Variants in GOLIM4 observed in about 807,000 individuals in gnomAD.
The protein encoded by GOLIM4 is 130 kDa golgi-localized phosphoprotein.
GOLIM4 carries 71 observed loss-of-function variants against 107.4 expected under a neutral mutation model. The ratio of observed to expected loss-of-function variants is 0.66; its 90% CI spans 0.55 to 0.81. GOLIM4 has a LOEUF of 0.81. Ranked by LOEUF, GOLIM4 falls within the 30% of genes least tolerant of loss-of-function variation. The pLI is 0.00. For synonymous variants in GOLIM4, 327 were observed against 294.8 expected (o/e 1.11, Z -1.12); for missense variants, 830 against 826.1 (o/e 1.00, Z -0.06).
At chr3:168,023,182 G>A (rs1223635885) in intron 14 of GOLIM4, among the ~76,000 whole-genome samples, 1 of 152,148 alleles carries the variant, frequency 6.6e-6, no homozygotes, top group East Asian at 1.9e-4. Flanking sequence ...AAGATTCCTA[G>A]TATTGGACAT....
At chr3:168,070,666 C>G (rs1291110010) in intron 1 of GOLIM4, among the ~76,000 whole-genome samples, 1 of 152,032 alleles carries the variant, frequency 6.6e-6, no homozygotes, top group Non-Finnish European at 1.5e-5. Flanking sequence ...TGGTTTCAAC[C>G]CATGGAAACT....
rs1162248490 is a variant in GOLIM4 at position 168,010,776 on chromosome 3, A to G, written c.1908T>C (p.Asn636=). ...CATTTTCACCATAGGTCTCTTCAGC[A>G]TTATGCTCCAGTTCCCTTTTTTTCT... ...TEEKKRELEH[N]AEETYGENDE... is the part of the protein sequence containing the mutation. Residue 636 remains asparagine (N), a synonymous_variant, in exon 15 of 16, where the codon AAT becomes AAC. Coordinates refer to ENST00000470487, the MANE Select transcript of GOLIM4 (RefSeq NM_014498.5). 1 of 1,612,388 alleles carries G rather than the reference A, an allele frequency of 6.2e-7. No homozygotes were observed. Among genetic ancestry groups the G allele is most frequent in the Non-Finnish European group, 8.5e-7 (1 of 1,178,802 alleles).
chr3:168,060,330 G>A (rs1720192314), intron 1 of GOLIM4, among the ~76,000 whole-genome samples: 1 of 152,214 alleles, frequency 6.6e-6, no homozygotes, highest in Admixed American at 6.5e-5. Context: ...TAGTTCTGCA[G>A]TAATTGAGGC....
rs148959653 is a variant in GOLIM4, at chr3:168,063,700, C to T, written c.188-15335G>A. On this transcript the variant is annotated intron_variant, in intron 1 of 15. Transcript: ENST00000470487. ...AATATAAGAGTTATCCTTTCTTCAT[C>T]CTTTAAGAAAGGGCAGGGGAGTGGG... 1.3e-3 allele frequency among the ~76,000 whole-genome samples: 181 copies of T among 137,450 alleles called. 1 individual carries two copies. The East Asian group carries it at 0.014, about 10-fold the overall frequency. 90.2% of individuals were successfully genotyped at this position (137,450 alleles called of 152,430 possible). A position where few individuals can be genotyped will look rare whatever the true frequency, so the allele number is the denominator to read the frequency against.
intron 11 of GOLIM4, 128 bp downstream of exon 11, chr3:168,029,095 T>C: frequency 1.8e-6 from 1 of 562,296 alleles, no homozygotes; most frequent in Non-Finnish European, 3.1e-6. Context: ...AAAGACATGA[T>C]TCACAAACCT....
At chr3:168,067,524 AAAC>A (rs1274218387) in intron 1 of GOLIM4, among the ~76,000 whole-genome samples, 1 of 148,740 alleles carries the variant, frequency 6.7e-6, no homozygotes, top group African/African-American at 2.6e-5. Context: ...AAAAAAAAAA[AAAC>A]ACACACACAC....
chr3:168,077,937 C>T (rs1386619591), intron 1 of GOLIM4, among the ~76,000 whole-genome samples: 1 of 152,016 alleles, frequency 6.6e-6, no homozygotes, highest in Non-Finnish European at 1.5e-5. Flanking sequence ...CTGAATGTAA[C>T]ACACCTCCCT....
rs755222714 is a variant in GOLIM4 at position 168,030,029 on chromosome 3, G to A, written c.1184C>T (p.Pro395Leu). Residue 395 changes from proline (P) to leucine (L), a missense_variant, in exon 10 of 16, where the codon CCT becomes CTT. Transcript: ENST00000470487. ...GAATTTGATCATTGGCTTGGCTGAA[G>A]GGTACACCTAGGGTGAAAAAGAGTT... ...LEGHARAEVYPSAKPMIKFQS... is the reference protein window; with the variant it reads ...LEGHARAEVYLSAKPMIKFQS... The A allele has an allele frequency of 9.0e-5, 146 of 1,614,110 alleles. 2 individuals are homozygous for A. In the South Asian group the frequency reaches 1.6e-3, roughly 17 times the overall value.
intron 1 of GOLIM4, among the ~76,000 whole-genome samples, chr3:168,062,475 GA>G (rs1720327559): frequency 6.6e-6 from 1 of 151,346 alleles, no homozygotes; most frequent in South Asian, 2.1e-4. Context: ...ACATTCCTAA[GA>G]ATAAATTCCT....
At position 168,095,351 on chromosome 3, in the gene GOLIM4, C is replaced by G. The variant is rs1344183992; in HGVS notation, c.-66G>C. ...TCCTCCCCTTGGTCCGAGCGAGCGTCTCAGCAGCGGCCGCCGCAGTAGGTG... is the reference window on the plus strand; with the variant it reads ...TCCTCCCCTTGGTCCGAGCGAGCGTGTCAGCAGCGGCCGCCGCAGTAGGTG... On this transcript the variant is annotated 5_prime_UTR_variant, in exon 1 of 16. Transcript: ENST00000470487. 1.4e-6 allele frequency: 2 copies of G among 1,443,280 alleles called. No homozygotes were observed. Among genetic ancestry groups the G allele is most frequent in the South Asian group, 2.4e-5 (2 of 82,714 alleles). 89.4% of individuals were successfully genotyped at this position (1,443,280 alleles called of 1,614,324 possible). A position where few individuals can be genotyped will look rare whatever the true frequency, so the allele number is the denominator to read the frequency against.
intron 14 of GOLIM4, among the ~76,000 whole-genome samples, chr3:168,021,877 T>C (rs950722719): frequency 6.6e-6 from 1 of 152,180 alleles, no homozygotes; most frequent in African/African-American, 2.4e-5. Flanking sequence ...TTAATCTATA[T>C]ATTTTTGAAC....
At position 168,043,443 on chromosome 3, in the gene GOLIM4, A is replaced by C; in HGVS notation, c.453T>G (p.Asn151Lys). 1 of 1,613,222 alleles carries C rather than the reference A, an allele frequency of 6.2e-7. No individual in the cohort carries two copies. The highest frequency in any genetic ancestry group is 1.1e-5 in the South Asian group (1 of 90,948). ...GCTGCAAGTATTTTTGCTTATGGTC[A>C]TTAAATGTTCTACTGAAGTCTTCCC... Reference protein sequence around the residue: ...KQGEDFSRTFNDHKQKYLQLQ... With the variant: ...KQGEDFSRTFKDHKQKYLQLQ... The change falls in exon 5 of 16, where the codon AAT (asparagine) becomes AAG (lysine). Residue 151 changes from asparagine (N) to lysine (K), a missense_variant. Transcript: ENST00000470487.
Position 168,048,345 on chromosome 3 carries a change from T to G in GOLIM4, c.208A>C (p.Arg70=). 6.5e-7 allele frequency: 1 copy of G among 1,535,828 alleles called. No individual in the cohort carries two copies. The highest frequency in any genetic ancestry group is 9.0e-7 in the Non-Finnish European group (1 of 1,116,704). Residue 70 remains arginine (R), a synonymous_variant, in exon 2 of 16, where the codon AGA becomes CGA. Transcript: ENST00000470487. ...QLQVVYEHRS[R]LEKSLQKERL... is the part of the protein sequence containing the mutation. ...TCTTTTTGCAAGGATTTCTCTAATCTTGATCTGTGTTCATATACAACTGGA... is the reference window on the plus strand; with the variant it reads ...TCTTTTTGCAAGGATTTCTCTAATCGTGATCTGTGTTCATATACAACTGGA...
intron 14 of GOLIM4, among the ~76,000 whole-genome samples, chr3:168,023,300 T>C (rs1316456864): frequency 6.6e-6 from 1 of 152,216 alleles, no homozygotes; most frequent in East Asian, 1.9e-4. Context: ...TTTTCTCTGC[T>C]GCTCTCTTTC....
chr3:168,071,992 GGA>G (rs1720857720), intron 1 of GOLIM4, among the ~76,000 whole-genome samples: 1 of 152,104 alleles, frequency 6.6e-6, no homozygotes, highest in South Asian at 2.1e-4. Context: ...AATCTCGGAA[GGA>G]TACCTAGAGA....
intron 14 of GOLIM4, among the ~76,000 whole-genome samples, chr3:168,024,227 T>C (rs9854796): frequency 0.029 from 4,487 of 152,238 alleles, 209 homozygotes; most frequent in African/African-American, 0.1. Context: ...AAAATATTCT[T>C]ACAAAAGATT....
chr3:168,031,798 T>C (rs1263763145), intron 9 of GOLIM4, among the ~76,000 whole-genome samples: 11 of 152,222 alleles, frequency 7.2e-5, no homozygotes, highest in Admixed American at 7.2e-4. Flanking sequence ...TCCACACCCA[T>C]GTAAAGGCCA....
Position 168,032,842 on chromosome 3 carries a change from T to C in GOLIM4, c.854A>G (p.Asn285Ser). 2 of 1,610,804 alleles carry C rather than the reference T, an allele frequency of 1.2e-6. No homozygotes were observed. The highest frequency in any genetic ancestry group is 8.5e-7 in the Non-Finnish European group (1 of 1,177,484). Residue 285 changes from asparagine to serine, a missense_variant, in exon 9 of 16, where the codon AAT becomes AGT. Physicochemically the swap from Asn to Ser is conservative, Grantham distance 46. Transcript: ENST00000470487. ...PTREVQEVSR[N>S]NDVWQNHEAV... ...TTCATGGTTCTGCCACACATCATTA[T>C]TTCGAGACACCTAGGCCAAGCACAT...
intron 1 of GOLIM4, among the ~76,000 whole-genome samples, chr3:168,076,682 C>T (rs56128208): frequency 0.18 from 27,321 of 152,092 alleles, 2,678 homozygotes; most frequent in Middle Eastern, 0.23. Context: ...CAGAGTGAGA[C>T]TCCATCTCAA....
Sources: allele counts gnomAD v4.1 joint callset (sites outside exome capture counted in the v4.1 genomes callset), GRCh38; gene constraint gnomAD v4.1.1; transcripts MANE v1.5; gene names NCBI Gene and HGNC (gene_info 2026-07-23, HGNC 2026-07-21).